Variants in MYH15 observed in about 807,000 individuals in gnomAD.
MYH15 encodes myosin heavy chain 15.
Under a neutral mutation model 240.5 loss-of-function variants are expected in MYH15, and 227 were observed. The observed-to-expected ratio is 0.94, with a 90% CI of 0.85 to 1.05. The LOEUF is 1.05. Among genes scored for constraint, MYH15 ranks in the 50% least tolerant of loss-of-function variants. The pLI is 0.00. For synonymous variants in MYH15, 785 were observed against 796.7 expected (o/e 0.99, Z 0.25); for missense variants, 2,217 against 2,247.5 (o/e 0.99, Z 0.27).
intron 20 of MYH15, among the ~76,000 whole-genome samples, chr3:108,454,472 A>T (rs2083003058): frequency 6.6e-6 from 1 of 152,196 alleles, no homozygotes; most frequent in African/African-American, 2.4e-5. Context: ...GTGCCAAAGT[A>T]CCAGGTAGGG....
At chr3:108,510,739 A>G (rs2083516925), upstream of MYH15, 4 of 778,056 alleles carry the variant, frequency 5.1e-6, no homozygotes, top group Non-Finnish European at 7.9e-6. Context: ...TCTCAAATTT[A>G]TACAAAATTG....
chr3:108,548,960 T>C, the MYH15 span, among the ~76,000 whole-genome samples: 2 of 152,188 alleles, frequency 1.3e-5, no homozygotes, highest in Non-Finnish European at 2.9e-5. Context: ...ATTCTTTTTT[T>C]CCTGACATTA....
At chr3:108,430,113 C>T (rs975742068) in intron 26 of MYH15, among the ~76,000 whole-genome samples, 1 of 152,068 alleles carries the variant, frequency 6.6e-6, no homozygotes, top group African/African-American at 2.4e-5. Context: ...GTGTCTGAAA[C>T]TAAAATGTTT....
In MYH15 at chr3:108,463,168, T is replaced by A. The variant is rs1212007385; in HGVS notation, c.1807A>T (p.Lys603Ter). 6.2e-7 allele frequency: 1 copy of A among 1,613,290 alleles called. No homozygotes were observed. The highest frequency in any genetic ancestry group is 1.7e-5 in the Admixed American group (1 of 59,924). Residue 603 changes from lysine (K) to a stop codon, truncating the protein, a stop_gained, in exon 16 of 41, where the codon AAG becomes TAG. Transcript: ENST00000693548. LOFTEE classifies it high-confidence loss of function. Reference protein sequence around the residue: ...LNETVVAVFQKSSNRLLASLF... With the variant: ...LNETVVAVFQ Reference sequence around the variant, plus strand: ...CTCGCCAGGAGTCTGTTGGAAGACTTCTGAAATACAGCTACCACTGTTTCA... The same window carrying A: ...CTCGCCAGGAGTCTGTTGGAAGACTACTGAAATACAGCTACCACTGTTTCA...
chr3:108,537,411 C>A, the MYH15 span, among the ~76,000 whole-genome samples: 1 of 152,016 alleles, frequency 6.6e-6, no homozygotes, highest in East Asian at 1.9e-4. Flanking sequence ...AATTTAATTG[C>A]CAATGTATTA....
intron 1 of MYH15, among the ~76,000 whole-genome samples, chr3:108,520,791 T>A (rs1238809514): frequency 6.6e-6 from 1 of 152,116 alleles, no homozygotes; most frequent in African/African-American, 2.4e-5. Flanking sequence ...ATTTTCCATA[T>A]CTCCAAGAAA....
intron 37 of MYH15, among the ~76,000 whole-genome samples, chr3:108,390,826 G>T (rs1306095078): frequency 6.6e-6 from 1 of 152,048 alleles, no homozygotes; most frequent in Non-Finnish European, 1.5e-5. Flanking sequence ...GTATGCAAAT[G>T]ATTTATATGA....
In MYH15 at chr3:108,384,719, C is replaced by T. The variant is rs762738180; in HGVS notation, c.5599G>A (p.Val1867Met). ...QTQMDKLQLK[V>M]QNYKQQVEVA... is the part of the protein sequence containing the mutation. Reference sequence around the variant, plus strand: ...TCGACTTGCTGCTTGTAATTTTGCACTTTTAGCTGAAGTTTATCCATCTGA... The same window carrying T: ...TCGACTTGCTGCTTGTAATTTTGCATTTTTAGCTGAAGTTTATCCATCTGA... Residue 1867 changes from valine (V) to methionine (M), a missense_variant, in exon 39 of 41, where the codon GTG becomes ATG. Transcript: ENST00000693548. 2 of 1,613,866 alleles carry T rather than the reference C, an allele frequency of 1.2e-6. No individual in the cohort carries two copies. Among genetic ancestry groups the T allele is most frequent in the Non-Finnish European group, 1.7e-6 (2 of 1,179,870 alleles).
chr3:108,412,549 C>G (rs2082602518), intron 30 of MYH15, among the ~76,000 whole-genome samples: 1 of 152,174 alleles, frequency 6.6e-6, no homozygotes, highest in Admixed American at 6.5e-5. Context: ...CAGGAAACAT[C>G]CAGGGCAAAC....
At chr3:108,504,832 AT>A (rs1481672698) in intron 2 of MYH15, among the ~76,000 whole-genome samples, 4 of 152,196 alleles carry the variant, frequency 2.6e-5, no homozygotes, top group Non-Finnish European at 4.4e-5. Flanking sequence ...GCTGGCGGGT[AT>A]TATGGCTTCA....
At position 108,499,496 on chromosome 3, in the gene MYH15, A is replaced by C. The variant is rs747901065; in HGVS notation, c.497-14T>G. The C allele has an allele frequency of 6.2e-7, 1 of 1,611,462 alleles. No individual in the cohort carries two copies. Among genetic ancestry groups the C allele is most frequent in the South Asian group, 1.1e-5 (1 of 90,682 alleles). On this transcript the variant is annotated splice_polypyrimidine_tract_variant and intron_variant, in intron 4 of 40. Transcript: ENST00000693548. ...GATTTTCTCGATCTACAAAAGAAAG[A>C]AAAATGCCAGAATATTCTTATATTC...
intron 1 of MYH15, among the ~76,000 whole-genome samples, chr3:108,517,837 G>A (rs2083586657): frequency 6.6e-6 from 1 of 152,180 alleles, no homozygotes; most frequent in African/African-American, 2.4e-5. Flanking sequence ...GATTAAAAGA[G>A]TAATAAGACC....
At chr3:108,417,587 G>A (rs188656825) in intron 28 of MYH15, among the ~76,000 whole-genome samples, 1 of 152,230 alleles carries the variant, frequency 6.6e-6, no homozygotes, top group East Asian at 1.9e-4. Flanking sequence ...GGTAGGAAAT[G>A]TGACGATGAG....
chr3:108,411,365 A>G (rs953050383), intron 30 of MYH15, among the ~76,000 whole-genome samples: 4 of 152,194 alleles, frequency 2.6e-5, no homozygotes, highest in Non-Finnish European at 4.4e-5. Context: ...TTGCTTCTAA[A>G]GAACACTCTC....
chr3:108,535,121 C>G, the MYH15 span, among the ~76,000 whole-genome samples: 3 of 152,140 alleles, frequency 2.0e-5, no homozygotes, highest in Admixed American at 2.0e-4. Context: ...GTTCCCAGAT[C>G]AGTGCCATTA....
At chr3:108,496,334 T>A (rs2083389325) in intron 6 of MYH15, among the ~76,000 whole-genome samples, 1 of 152,204 alleles carries the variant, frequency 6.6e-6, no homozygotes, top group Admixed American at 6.5e-5. Flanking sequence ...TTTTCCTAAG[T>A]AATCTAGAGG....
Position 108,506,656 on chromosome 3 carries a change from G to A in MYH15, c.89-827C>T, listed in dbSNP as rs556853855. ...TTCCAGAACTTTGGGAGGCCAAGGT[G>A]AGAGGATCTCTTGACCCCAGGAGTT... On this transcript the variant is annotated intron_variant, in intron 1 of 40. Coordinates refer to ENST00000693548, the MANE Select transcript of MYH15 (RefSeq NM_014981.3). 2.8e-4 allele frequency among the ~76,000 whole-genome samples: 42 copies of A among 152,254 alleles called. 1 individual carries two copies. The South Asian group carries it at 8.7e-3, about 32-fold the overall frequency.
At chr3:108,536,894 G>C in the MYH15 span, among the ~76,000 whole-genome samples, 1 of 152,218 alleles carries the variant, frequency 6.6e-6, no homozygotes, top group East Asian at 1.9e-4. Flanking sequence ...CTGGTGACAA[G>C]GTTACTGTTT....
chr3:108,398,930 T>C, intron 34 of MYH15, 90 bp from the exon 35 acceptor site: 1 of 1,462,106 alleles, frequency 6.8e-7, no homozygotes, highest in Non-Finnish European at 9.6e-7. Flanking sequence ...ACTATATATT[T>C]AGACATAAGC....
Sources: allele counts gnomAD v4.1 joint callset (sites outside exome capture counted in the v4.1 genomes callset), GRCh38; gene constraint gnomAD v4.1.1; transcripts MANE v1.5; gene names NCBI Gene and HGNC (gene_info 2026-07-23, HGNC 2026-07-21).